XRN1: variants seen among roughly 807,000 people sequenced by gnomAD.
XRN1 encodes the protein strand-exchange protein 1 homolog.
A neutral mutation model predicts 222.3 loss-of-function variants in XRN1; 67 were observed. The observed-to-expected ratio is 0.30, with a 90% CI of 0.25 to 0.37. The LOEUF (loss-of-function observed/expected upper bound fraction) is 0.37. Ranked by LOEUF, XRN1 falls within the 10% of genes least tolerant of loss-of-function variation. The pLI, the probability that XRN1 is intolerant of heterozygous loss-of-function variation, is 1.00. For synonymous variants in XRN1, 643 were observed against 652.4 expected (o/e 0.99, Z 0.22); for missense variants, 1,707 against 2,000.2 (o/e 0.85, Z 2.80).
intron 36 of XRN1, 70 bp downstream of exon 36, chr3:142,332,305 T>G: frequency 2.6e-6 from 3 of 1,173,484 alleles, no homozygotes; most frequent in Non-Finnish European, 3.6e-6. Flanking sequence ...TAAAAGTACA[T>G]GATTAAAAAG....
At chr3:142,431,565 C>T (rs1001299951) in intron 2 of XRN1, among the ~76,000 whole-genome samples, 3 of 151,450 alleles carry the variant, frequency 2.0e-5, no homozygotes, top group African/African-American at 7.3e-5. Flanking sequence ...ACCTGTAATC[C>T]CAGCACTGTG....
At chr3:142,324,327 T>C (rs1229536505) in intron 37 of XRN1, among the ~76,000 whole-genome samples, 2 of 145,384 alleles carry the variant, frequency 1.4e-5, no homozygotes, top group Non-Finnish European at 3.0e-5. Context: ...TTCCCACCTA[T>C]GAGTGAGAAC....
intron 1 of XRN1, among the ~76,000 whole-genome samples, chr3:142,440,355 G>A (rs996715394): frequency 2.0e-5 from 3 of 152,040 alleles, no homozygotes; most frequent in African/African-American, 7.3e-5. Flanking sequence ...AAAAGTAGGG[G>A]TCATTATACA....
chr3:142,386,003 G>A (rs1482517789), intron 20 of XRN1, among the ~76,000 whole-genome samples: 6 of 151,294 alleles, frequency 4.0e-5, no homozygotes, highest in Non-Finnish European at 8.9e-5. Flanking sequence ...TATATAACAC[G>A]TTATATATTT....
intron 13 of XRN1, among the ~76,000 whole-genome samples, chr3:142,416,741 A>C (rs992760867): frequency 6.6e-6 from 1 of 152,048 alleles, no homozygotes; most frequent in Non-Finnish European, 1.5e-5. Flanking sequence ...AAAAATTACC[A>C]TAAGTAGAGG....
At chr3:142,403,798 T>C (rs1325243338) in intron 17 of XRN1, 26 bp from the exon 18 acceptor site, 20 of 1,609,848 alleles carry the variant, frequency 1.2e-5, no homozygotes, top group Non-Finnish European at 1.7e-5. Context: ...AATAATTTAA[T>C]TTTAATTCTT....
intron 26 of XRN1, 111 bp downstream of exon 26, chr3:142,371,128 T>TC: frequency 1.3e-6 from 1 of 769,998 alleles, no homozygotes; most frequent in East Asian, 2.8e-5. Flanking sequence ...AGAACCTGTC[T>TC]CAAAAAAAAA....
chr3:142,352,766 A>AG lies in XRN1; in HGVS notation c.3768+2634dup, dbSNP rs1264485339. Among the ~76,000 whole-genome samples the AG allele has an allele frequency of 2.6e-5, 4 of 152,168 alleles. No individual in the cohort carries two copies. In the South Asian group the frequency reaches 8.3e-4, roughly 31 times the overall value. ...GTGATTCTCCTGCCTCAGCCTTCTG[A>AG]GTAGCTGGGACTACACATGTGTGCC... On this transcript the variant is annotated intron_variant, in intron 32 of 40. Coordinates refer to ENST00000392981, the MANE Select transcript of XRN1 (RefSeq NM_001282857.2).
intron 13 of XRN1, among the ~76,000 whole-genome samples, chr3:142,415,357 C>T (rs1421378439): frequency 1.3e-5 from 2 of 152,054 alleles, no homozygotes; most frequent in Non-Finnish European, 2.9e-5. Flanking sequence ...GTTTAGGAGG[C>T]CAAGTGCCAT....
intron 3 of XRN1, among the ~76,000 whole-genome samples, chr3:142,426,396 T>C (rs1310412654): frequency 6.6e-6 from 1 of 152,216 alleles, no homozygotes; most frequent in Non-Finnish European, 1.5e-5. Context: ...TACATCAACT[T>C]GATAAGCTAC....
chr3:142,438,967 G>A (rs547364557), intron 1 of XRN1, among the ~76,000 whole-genome samples: 1 of 151,742 alleles, frequency 6.6e-6, no homozygotes, highest in Non-Finnish European at 1.5e-5. Context: ...CGGTCCAAAG[G>A]AGACAGACAA....
At position 142,324,813 on chromosome 3, in the gene XRN1, T is replaced by C. The variant is rs2065471108; in HGVS notation, c.4404+4621A>G. Among the ~76,000 whole-genome samples, 4 of 152,158 alleles carry C rather than the reference T, an allele frequency of 2.6e-5. No individual in the cohort carries two copies. In the East Asian group the frequency reaches 7.7e-4, roughly 29 times the overall value. On this transcript the variant is annotated intron_variant, in intron 37 of 40. Transcript: ENST00000392981. ...CTAACTGGTGTGAGATGGTATCTCA[T>C]TGTGGTTTTGATTTGCATTTCTCTG...
At chr3:142,400,825 C>A (rs949681005) in intron 18 of XRN1, among the ~76,000 whole-genome samples, 2 of 151,980 alleles carry the variant, frequency 1.3e-5, no homozygotes, top group African/African-American at 4.8e-5. Flanking sequence ...GCTGAGGCAG[C>A]AGAATCGCTT....
chr3:142,332,899 T>A (rs1577236115), intron 35 of XRN1, 68 bp downstream of exon 35: 2 of 1,562,104 alleles, frequency 1.3e-6, no homozygotes, highest in East Asian at 2.3e-5. Flanking sequence ...AACACTTGCA[T>A]GGGATATGTC....
At chr3:142,375,974 G>GAACACA in intron 24 of XRN1, 30 bp from the exon 25 acceptor site, 1 of 1,447,368 alleles carries the variant, frequency 6.9e-7, no homozygotes, top group South Asian at 1.4e-5. Context: ...GCGCACACGT[G>GAACACA]CACACACACA....
chr3:142,371,217 A>T (rs765614945), intron 26 of XRN1, 22 bp downstream of exon 26: 15 of 1,579,992 alleles, frequency 9.5e-6, no homozygotes, highest in African/African-American at 1.3e-5. Context: ...ATGAGGTAAT[A>T]AATATCATAA....
chr3:142,371,109 A>C (rs924467404), intron 26 of XRN1, 130 bp downstream of exon 26: 7 of 768,186 alleles, frequency 9.1e-6, no homozygotes, highest in Non-Finnish European at 1.2e-5. Flanking sequence ...GCATTCGGGC[A>C]AGAGAGTAAG....
At chr3:142,328,186 T>C (rs779250415) in intron 37 of XRN1, among the ~76,000 whole-genome samples, 2 of 152,184 alleles carry the variant, frequency 1.3e-5, no homozygotes, top group Admixed American at 6.5e-5. Flanking sequence ...AGATACCCAG[T>C]AGTGTGACTG....
At chr3:142,334,076 T>C (rs185617739) in intron 34 of XRN1, among the ~76,000 whole-genome samples, 2 of 152,338 alleles carry the variant, frequency 1.3e-5, no homozygotes, top group Non-Finnish European at 1.5e-5. Flanking sequence ...TAACTGGTTT[T>C]CTTTAAAATC....
Sources: gnomAD v4.1 joint callset for allele counts (sites outside exome capture counted in the v4.1 genomes callset) on GRCh38, gnomAD v4.1.1 for gene constraint, MANE v1.5 for transcripts, NCBI Gene and HGNC (gene_info 2026-07-23, HGNC 2026-07-21) for gene names.